The following SORBS2 variants were observed in gnomAD, a reference collection of about 807,000 sequenced individuals.
SORBS2 encodes the protein sorbin and SH3 domain-containing protein 2.
In SORBS2, 46 loss-of-function variants were observed where a neutral mutation model predicts 97.7. The observed-to-expected ratio is 0.47, with a 90% confidence interval of 0.37 to 0.60. The LOEUF (loss-of-function observed/expected upper bound fraction) is 0.60, where lower values mean the gene tolerates loss of function less well. Among genes scored for constraint, SORBS2 ranks in the 20% least tolerant of loss-of-function variants. The probability of loss-of-function intolerance (pLI) is 0.00; values close to 1 mark genes in which losing one functional copy is unlikely to be tolerated. For missense variants in SORBS2, 1,316 were observed against 1,282.3 expected, an observed-to-expected ratio of 1.03 and a Z score of -0.40; for synonymous variants, 476 against 473.4, an observed-to-expected ratio of 1.01 and a Z score of -0.07.
intron 2 of SORBS2, among the ~76,000 whole-genome samples, chr4:185,766,981 C>G (rs2153616124): frequency 6.6e-6 from 1 of 151,998 alleles, no homozygotes; most frequent in South Asian, 2.1e-4. Context: ...TTTTTTTAAA[C>G]TGTGTCAATT....
intron 13 of SORBS2, chr4:185,592,647 C>T (rs1257566212): frequency 1.3e-5 from 2 of 153,244 alleles, no homozygotes; most frequent in Non-Finnish European, 2.9e-5. Context: ...CCTTGATCTC[C>T]CTGGCCCAAG....
At chr4:185,831,285 G>A (rs182141499) in intron 1 of SORBS2, among the ~76,000 whole-genome samples, 27 of 152,310 alleles carry the variant, frequency 1.8e-4, no homozygotes, top group Admixed American at 5.9e-4. Context: ...GAAGAAGAGC[G>A]GGTAGGTGGG....
At chr4:185,738,001 C>T (rs539157059) in intron 2 of SORBS2, among the ~76,000 whole-genome samples, 1 of 152,270 alleles carries the variant, frequency 6.6e-6, no homozygotes, top group African/African-American at 2.4e-5. Flanking sequence ...GGACACACTA[C>T]GGGATGGAAA....
chr4:185,768,980 C>T (rs1430855527), intron 2 of SORBS2, among the ~76,000 whole-genome samples: 2 of 152,032 alleles, frequency 1.3e-5, no homozygotes, highest in East Asian at 1.9e-4. Flanking sequence ...TTACTGATAC[C>T]ATTTTTCAAT....
chr4:185,685,776 G>A (rs529366525), intron 2 of SORBS2, among the ~76,000 whole-genome samples: 158 of 152,272 alleles, frequency 1.0e-3, no homozygotes, highest in Non-Finnish European at 1.9e-3. Flanking sequence ...TTCCGCCTCG[G>A]CCTCCCATTA....
chr4:185,668,198 A>C (rs1036461070), intron 4 of SORBS2, among the ~76,000 whole-genome samples: 1 of 152,256 alleles, frequency 6.6e-6, no homozygotes, highest in Non-Finnish European at 1.5e-5. Context: ...ACATGTCAAA[A>C]GCTAAAGCGT....
At chr4:185,902,689 A>T (rs1175074760) in intron 1 of SORBS2, among the ~76,000 whole-genome samples, 1 of 53,618 alleles carries the variant, frequency 1.9e-5, no homozygotes, top group Non-Finnish European at 5.2e-5. Flanking sequence ...GTTTTTACTT[A>T]AAAAAAAAAA....
chr4:185,838,579 C>T (rs540077093), intron 1 of SORBS2, among the ~76,000 whole-genome samples: 58 of 152,318 alleles, frequency 3.8e-4, no homozygotes, highest in Middle Eastern at 3.4e-3. Flanking sequence ...ACACAACAGC[C>T]GCCCAAAAGC....
intron 1 of SORBS2, among the ~76,000 whole-genome samples, chr4:185,904,289 T>C (rs934764524): frequency 1.3e-5 from 2 of 152,164 alleles, no homozygotes; most frequent in Admixed American, 6.5e-5. Context: ...GGATTGGGAC[T>C]ATGTATTTGT....
chr4:185,741,492 C>G (rs1165660449), intron 2 of SORBS2, among the ~76,000 whole-genome samples: 2 of 150,224 alleles, frequency 1.3e-5, no homozygotes, highest in African/African-American at 4.9e-5. Context: ...CAACCTCCAC[C>G]TCCCAGGTTC....
chr4:185,873,336 C>T (rs2099231482), intron 1 of SORBS2, among the ~76,000 whole-genome samples: 1 of 152,200 alleles, frequency 6.6e-6, no homozygotes. Flanking sequence ...ATGATGCCCG[C>T]TTCTATTTTT....
exon 12 of SORBS2, chr4:185,611,958 TTAAGAAGAA>T: frequency 6.2e-7 from 1 of 1,609,170 alleles, no homozygotes; most frequent in Non-Finnish European, 8.5e-7. Flanking sequence ...ATCAACTCTT[TTAAGAAGAA>T]TAACTCTATC....
chr4:185,619,258 A>G (rs1004071216), intron 8 of SORBS2, among the ~76,000 whole-genome samples: 1 of 152,160 alleles, frequency 6.6e-6, no homozygotes, highest in Non-Finnish European at 1.5e-5. Context: ...TCTGGGGGCC[A>G]CAGATCTCCC....
At chr4:185,838,600 C>T (rs1249938779) in intron 1 of SORBS2, among the ~76,000 whole-genome samples, 1 of 152,224 alleles carries the variant, frequency 6.6e-6, no homozygotes, top group African/African-American at 2.4e-5. Context: ...TCTTGAGAAA[C>T]TAAGGGCAGC....
At chr4:185,951,392 C>T (rs770551272) in intron 1 of SORBS2, among the ~76,000 whole-genome samples, 49 of 152,324 alleles carry the variant, frequency 3.2e-4, no homozygotes, top group South Asian at 1.7e-3. Context: ...GGCCTTCCTC[C>T]AGCCCAGCTC....
intron 1 of SORBS2, among the ~76,000 whole-genome samples, chr4:185,794,149 T>C (rs552155577): frequency 2.0e-5 from 3 of 152,354 alleles, no homozygotes; most frequent in East Asian, 3.9e-4. Flanking sequence ...ATAAAATTGT[T>C]TCTTAAGTAT....
chr4:185,592,020 G>A (rs2153359812), intron 13 of SORBS2: 1 of 152,322 alleles, frequency 6.6e-6, no homozygotes, highest in Admixed American at 6.5e-5. Flanking sequence ...TTGCACAATG[G>A]GAAATGAAGA....
chr4:185,792,681 G>A (rs888476502), intron 1 of SORBS2, among the ~76,000 whole-genome samples: 6 of 151,998 alleles, frequency 3.9e-5, no homozygotes, highest in East Asian at 1.9e-4. Flanking sequence ...TTTTATTGTC[G>A]TGCTATTTCT....
chr4:185,863,125 C>T (rs1459876153), intron 1 of SORBS2, among the ~76,000 whole-genome samples: 2 of 152,160 alleles, frequency 1.3e-5, no homozygotes, highest in Admixed American at 6.5e-5. Flanking sequence ...ACTAAAGGCA[C>T]GTCCCTCCAC....
Sources: allele counts gnomAD v4.1 joint callset (sites outside exome capture counted in the v4.1 genomes callset), GRCh38; gene constraint gnomAD v4.1.1; transcripts MANE v1.5; gene names NCBI Gene and HGNC (gene_info 2026-07-23, HGNC 2026-07-21).